Variants in TTC28 observed in about 807,000 individuals in gnomAD.
The protein encoded by TTC28 is tetratricopeptide repeat domain 28.
TTC28 carries 61 observed loss-of-function variants against 198.0 expected under a neutral mutation model. The ratio of observed to expected loss-of-function variants is 0.31; its 90% confidence interval spans 0.25 to 0.38. The LOEUF (loss-of-function observed/expected upper bound fraction) is 0.38. Ranked by LOEUF, TTC28 falls within the 10% of genes least tolerant of loss-of-function variation. TTC28 has a pLI of 1.00. For missense variants in TTC28, 2,678 were observed against 3,164.0 expected (o/e 0.85, Z 3.69); for synonymous variants, 1,171 against 1,297.8 (o/e 0.90, Z 2.10).
intron 13 of TTC28, among the ~76,000 whole-genome samples, chr22:28,022,569 C>T (rs569296205): frequency 3.8e-4 from 58 of 152,354 alleles, no homozygotes; most frequent in Non-Finnish European, 5.1e-4. Context: ...GCCTCACAGG[C>T]GAGGACTGCA....
intron 5 of TTC28, among the ~76,000 whole-genome samples, chr22:28,278,963 C>T (rs2145728626): frequency 6.6e-6 from 1 of 152,248 alleles, no homozygotes; most frequent in South Asian, 2.1e-4. Context: ...GAGGCAGAGC[C>T]AGGGCTACCC....
chr22:28,465,170 C>G (rs879440012), intron 2 of TTC28, among the ~76,000 whole-genome samples: 3 of 152,134 alleles, frequency 2.0e-5, no homozygotes, highest in African/African-American at 7.2e-5. Flanking sequence ...AGCTAGCTTC[C>G]TAAAACACAA....
intron 2 of TTC28, among the ~76,000 whole-genome samples, chr22:28,400,452 T>C (rs2146099913): frequency 6.6e-6 from 1 of 152,312 alleles, no homozygotes; most frequent in South Asian, 2.1e-4. Flanking sequence ...TTAATTCTTG[T>C]TTATATTTGA....
At chr22:28,339,743 C>T (rs1479927777) in intron 2 of TTC28, among the ~76,000 whole-genome samples, 5 of 152,294 alleles carry the variant, frequency 3.3e-5, no homozygotes, top group South Asian at 4.1e-4. Context: ...GTTGGAAAAG[C>T]GTAGTATTAC....
At chr22:28,520,245 T>C (rs2048877156) in intron 2 of TTC28, among the ~76,000 whole-genome samples, 1 of 152,194 alleles carries the variant, frequency 6.6e-6, no homozygotes, top group Non-Finnish European at 1.5e-5. Context: ...CTTACAAAAT[T>C]GAAAGGACCT....
intron 2 of TTC28, among the ~76,000 whole-genome samples, chr22:28,393,014 C>T (rs1197094563): frequency 2.6e-5 from 4 of 151,666 alleles, no homozygotes; most frequent in Non-Finnish European, 5.9e-5. Flanking sequence ...GTAGCTGGGA[C>T]CATAGGTGCA....
intron 12 of TTC28, among the ~76,000 whole-genome samples, chr22:28,048,100 T>C (rs569433051): frequency 5.5e-4 from 83 of 150,820 alleles, no homozygotes; most frequent in Middle Eastern, 3.5e-3. Context: ...TCTGCTTGGG[T>C]AAGGAGGTTT....
At chr22:28,025,074 G>A (rs1056239043) in intron 13 of TTC28, among the ~76,000 whole-genome samples, 1 of 152,126 alleles carries the variant, frequency 6.6e-6, no homozygotes, top group East Asian at 1.9e-4. Flanking sequence ...TGTAGCTGAC[G>A]GCAGATTGGG....
intron 2 of TTC28, among the ~76,000 whole-genome samples, chr22:28,429,815 G>A (rs9625472): frequency 6.6e-6 from 1 of 152,092 alleles, no homozygotes; most frequent in African/African-American, 2.4e-5. Flanking sequence ...TTAAGCCACA[G>A]CAATTACCAA....
At chr22:28,234,197 C>A (rs1484181469) in intron 5 of TTC28, among the ~76,000 whole-genome samples, 1 of 151,636 alleles carries the variant, frequency 6.6e-6, no homozygotes, top group Admixed American at 6.6e-5. Context: ...TGAGCCACCG[C>A]ACCTGGCCAA....
At chr22:28,675,745 A>T (rs886674073) in intron 1 of TTC28, among the ~76,000 whole-genome samples, 4 of 150,480 alleles carry the variant, frequency 2.7e-5, no homozygotes, top group African/African-American at 7.4e-5. Flanking sequence ...TCACACACAC[A>T]CACACACACA....
intron 1 of TTC28, among the ~76,000 whole-genome samples, chr22:28,654,701 G>A: frequency 6.6e-6 from 1 of 152,100 alleles, no homozygotes; most frequent in East Asian, 1.9e-4. Context: ...ACATCCTTTA[G>A]GATGTTATCA....
chr22:28,125,823 TA>T (rs991123837), intron 6 of TTC28, among the ~76,000 whole-genome samples: 93 of 151,898 alleles, frequency 6.1e-4, no homozygotes, highest in Admixed American at 3.1e-3. Context: ...ATCTGTTAAA[TA>T]AAAAAAATGT....
intron 14 of TTC28, chr22:28,006,836 CAT>C (rs1937948127): frequency 6.6e-6 from 1 of 152,212 alleles, no homozygotes. Context: ...AGAAAGCACT[CAT>C]AGCAAATGTT....
intron 5 of TTC28, among the ~76,000 whole-genome samples, chr22:28,276,667 T>C (rs1305868578): frequency 2.6e-5 from 4 of 152,152 alleles, no homozygotes; most frequent in African/African-American, 7.2e-5. Context: ...CTGTGCTAAA[T>C]ACTTTATCAC....
At chr22:28,153,679 C>T (rs1446669695) in intron 6 of TTC28, among the ~76,000 whole-genome samples, 1 of 152,004 alleles carries the variant, frequency 6.6e-6, no homozygotes, top group East Asian at 1.9e-4. Flanking sequence ...AACTAATGTT[C>T]GACAAATATT....
At chr22:28,113,015 A>G (rs1319741142) in intron 6 of TTC28, among the ~76,000 whole-genome samples, 1 of 152,218 alleles carries the variant, frequency 6.6e-6, no homozygotes, top group Non-Finnish European at 1.5e-5. Flanking sequence ...GTGAGGGCCA[A>G]TGCGATCATG....
At chr22:28,434,670 A>C (rs996898275) in intron 2 of TTC28, among the ~76,000 whole-genome samples, 4 of 152,162 alleles carry the variant, frequency 2.6e-5, no homozygotes, top group Admixed American at 2.6e-4. Flanking sequence ...TATGCCTGAA[A>C]ATCTCTACTT....
At chr22:28,297,903 A>G in intron 3 of TTC28, 51 bp from the exon 4 acceptor site, 1 of 1,522,546 alleles carries the variant, frequency 6.6e-7, no homozygotes, top group Non-Finnish European at 8.9e-7. Flanking sequence ...GTAGGATGAT[A>G]CAAAAACAAT....
Sources: gnomAD v4.1 joint callset for allele counts (sites outside exome capture counted in the v4.1 genomes callset) on GRCh38, gnomAD v4.1.1 for gene constraint, MANE v1.5 for transcripts, NCBI Gene and HGNC (gene_info 2026-07-23, HGNC 2026-07-21) for gene names.